Variants in RANBP17 observed in about 807,000 individuals in gnomAD.
The protein encoded by RANBP17 is RAN binding protein 17.
Under a neutral mutation model 141.2 loss-of-function variants are expected in RANBP17, and 158 were observed. The ratio of observed to expected loss-of-function variants is 1.12; its 90% CI spans 0.98 to 1.28. The LOEUF (loss-of-function observed/expected upper bound fraction) is 1.28, where lower values mean the gene tolerates loss of function less well. Among genes scored for constraint, RANBP17 ranks in the 50% most tolerant of loss-of-function variants. The pLI, the probability that RANBP17 is intolerant of heterozygous loss-of-function variation, is 0.00. For missense variants in RANBP17, 1,438 were observed against 1,290.7 expected (o/e 1.11, Z -1.75); for synonymous variants, 430 against 450.0 (o/e 0.96, Z 0.56).
At chr5:170,995,620 A>G (rs1324642841) in intron 14 of RANBP17, among the ~76,000 whole-genome samples, 1 of 152,176 alleles carries the variant, frequency 6.6e-6, no homozygotes, top group Non-Finnish European at 1.5e-5. Flanking sequence ...TTGTACAGCC[A>G]TATGATGAAA....
chr5:171,008,675 A>G (rs1224763824), intron 14 of RANBP17, among the ~76,000 whole-genome samples: 6 of 152,234 alleles, frequency 3.9e-5, no homozygotes, highest in Non-Finnish European at 8.8e-5. Flanking sequence ...GGAAGATTAC[A>G]AAGTACATTC....
chr5:171,140,422 T>C (rs1385239103), intron 14 of RANBP17, among the ~76,000 whole-genome samples: 1 of 152,216 alleles, frequency 6.6e-6, no homozygotes, highest in African/African-American at 2.4e-5. Flanking sequence ...TAAGCTATAC[T>C]GTGCTAAGTG....
At chr5:171,123,420 C>T (rs1384809785) in intron 14 of RANBP17, among the ~76,000 whole-genome samples, 1 of 152,246 alleles carries the variant, frequency 6.6e-6, no homozygotes, top group African/African-American at 2.4e-5. Flanking sequence ...TGCTGGCACA[C>T]ATGTATGTCA....
chr5:171,281,929 C>T (rs1373980486), intron 25 of RANBP17, among the ~76,000 whole-genome samples: 1 of 152,158 alleles, frequency 6.6e-6, no homozygotes, highest in Non-Finnish European at 1.5e-5. Context: ...AGCCCTCCCT[C>T]CCCAACTTCA....
intron 1 of RANBP17, among the ~76,000 whole-genome samples, chr5:170,872,984 T>A (rs1302202472): frequency 6.6e-6 from 1 of 152,190 alleles, no homozygotes; most frequent in Non-Finnish European, 1.5e-5. Context: ...CAATCTTGGC[T>A]CGCTGCAACC....
chr5:171,175,478 G>A (rs115855092), intron 16 of RANBP17, among the ~76,000 whole-genome samples: 1,582 of 151,930 alleles, frequency 0.01, 24 homozygotes, highest in African/African-American at 0.037. Context: ...AATGATCACC[G>A]ATCATCAGAG....
chr5:170,931,225 G>C (rs1773347320), intron 12 of RANBP17, among the ~76,000 whole-genome samples: 1 of 152,160 alleles, frequency 6.6e-6, no homozygotes, highest in African/African-American at 2.4e-5. Context: ...AGAAGTATCT[G>C]TTCATATCCT....
At chr5:171,253,826 C>T (rs1765720861) in intron 24 of RANBP17, among the ~76,000 whole-genome samples, 2 of 152,056 alleles carry the variant, frequency 1.3e-5, no homozygotes, top group Admixed American at 6.5e-5. Context: ...AGAAAAACTG[C>T]AATGAGAGGA....
chr5:170,991,440 G>T (rs536658941), intron 14 of RANBP17, among the ~76,000 whole-genome samples: 4 of 151,970 alleles, frequency 2.6e-5, no homozygotes, highest in Non-Finnish European at 5.9e-5. Flanking sequence ...CACCGTATTC[G>T]GGTAGTCAGG....
At chr5:171,237,419 A>C (rs768549128) in intron 22 of RANBP17, among the ~76,000 whole-genome samples, 1 of 152,214 alleles carries the variant, frequency 6.6e-6, no homozygotes, top group Non-Finnish European at 1.5e-5. Flanking sequence ...TGGGAATTCC[A>C]TAGTACTTGT....
At position 171,299,453 on chromosome 5, in the gene RANBP17, A is replaced by G. The variant is rs986212109; in HGVS notation, c.*595A>G. On this transcript the variant is annotated 3_prime_UTR_variant, in exon 28 of 28. Coordinates refer to ENST00000523189, the MANE Select transcript of RANBP17 (RefSeq NM_022897.5). ...AGACAGTAACACAATTAAATGACTT[A>G]GAAACAATGTTTGCTTTTCACTGGC... 5 of 231,288 alleles carry G rather than the reference A, an allele frequency of 2.2e-5. No homozygotes were observed. Among genetic ancestry groups the G allele is most frequent in the African/African-American group, 1.1e-4 (5 of 45,230 alleles). The allele number at this position is 231,288 out of a possible 1,614,324, so 14.3% of individuals were successfully genotyped here.
chr5:171,018,233 T>A (rs1168626162), intron 14 of RANBP17, among the ~76,000 whole-genome samples: 1 of 152,214 alleles, frequency 6.6e-6, no homozygotes, highest in Non-Finnish European at 1.5e-5. Context: ...GTCTTGGCTA[T>A]ATGGGCTCTT....
At chr5:171,053,526 T>C (rs1783105977) in intron 14 of RANBP17, among the ~76,000 whole-genome samples, 1 of 152,194 alleles carries the variant, frequency 6.6e-6, no homozygotes, top group African/African-American at 2.4e-5. Flanking sequence ...GATTGTTGAT[T>C]GCTAGTATAT....
chr5:171,251,638 T>C (rs1169932908), intron 24 of RANBP17, among the ~76,000 whole-genome samples: 1 of 152,004 alleles, frequency 6.6e-6, no homozygotes, highest in African/African-American at 2.4e-5. Context: ...GAAGGAAGTT[T>C]ATAGGCTTGA....
At chr5:170,881,326 G>A (rs1768668656) in intron 2 of RANBP17, among the ~76,000 whole-genome samples, 1 of 152,156 alleles carries the variant, frequency 6.6e-6, no homozygotes, top group Non-Finnish European at 1.5e-5. Flanking sequence ...TTTGAGTATA[G>A]TATTAAGATA....
Position 170,892,447 on chromosome 5 carries a change from C to G in RANBP17, c.317C>G (p.Ala106Gly), listed in dbSNP as rs144659787. 38 of 1,613,898 alleles carry G rather than the reference C, an allele frequency of 2.4e-5. No individual in the cohort carries two copies. The African/African-American group carries it at 3.2e-4, about 14-fold the overall frequency. Reference sequence around the variant, plus strand: ...AAGCTGGCTCCCTTTGTCATCCAAGCTCTTATTCAAGTCATTGCTAAAATC... The same window carrying G: ...AAGCTGGCTCCCTTTGTCATCCAAGGTCTTATTCAAGTCATTGCTAAAATC... ...QPKLAPFVIQ[A>G]LIQVIAKITK... The change falls in exon 4 of 28, where the codon GCT (alanine) becomes GGT (glycine). Residue 106 changes from alanine (A) to glycine (G), a missense_variant. Ala to Gly is a moderately conservative substitution (Grantham distance 60). Coordinates refer to ENST00000523189, the MANE Select transcript of RANBP17 (RefSeq NM_022897.5).
At chr5:170,892,640 T>A (rs896541024) in intron 4 of RANBP17, 87 bp downstream of exon 4, 1 of 950,842 alleles carries the variant, frequency 1.1e-6, no homozygotes, top group Non-Finnish European at 1.6e-6. Flanking sequence ...ATATAGTTTG[T>A]TTTGTGACTA....
intron 19 of RANBP17, among the ~76,000 whole-genome samples, chr5:171,201,570 A>G (rs1036862067): frequency 2.6e-5 from 4 of 152,216 alleles, no homozygotes; most frequent in Admixed American, 6.5e-5. Context: ...CTCTTGCCAC[A>G]TTTATCAGGG....
At chr5:171,214,839 TCATTG>T (rs1443216021) in intron 21 of RANBP17, among the ~76,000 whole-genome samples, 1 of 152,036 alleles carries the variant, frequency 6.6e-6, no homozygotes, top group African/African-American at 2.4e-5. Flanking sequence ...AGGGAAAAAA[TCATTG>T]CATTGTATAT....
Sources: gnomAD v4.1 joint callset for allele counts (sites outside exome capture counted in the v4.1 genomes callset) on GRCh38, gnomAD v4.1.1 for gene constraint, MANE v1.5 for transcripts, NCBI Gene and HGNC (gene_info 2026-07-23, HGNC 2026-07-21) for gene names.